Variants in PPARD observed in about 807,000 individuals in gnomAD.
The protein encoded by PPARD is peroxisome proliferator-activated receptor delta.
Under a neutral mutation model 39.5 loss-of-function variants are expected in PPARD, and 6 were observed. That is an observed-to-expected ratio of 0.15 (90% CI 0.08 to 0.30). The LOEUF (loss-of-function observed/expected upper bound fraction) is 0.30. PPARD is among the 10% of genes least tolerant of loss of function. The pLI, the probability that PPARD is intolerant of heterozygous loss-of-function variation, is 1.00. For missense variants in PPARD, 397 were observed against 596.8 expected (o/e 0.67, Z 3.49); for synonymous variants, 210 against 231.3 (o/e 0.91, Z 0.83).
chr6:35,390,447 A>C (rs1428427126), intron 2 of PPARD, among the ~76,000 whole-genome samples: 2 of 152,150 alleles, frequency 1.3e-5, no homozygotes, highest in African/African-American at 4.8e-5. Flanking sequence ...GCCATGTGGG[A>C]GCAGGGGTCA....
At chr6:35,346,604 G>C (rs1355201519) in intron 1 of PPARD, among the ~76,000 whole-genome samples, 2 of 152,178 alleles carry the variant, frequency 1.3e-5, no homozygotes, top group African/African-American at 4.8e-5. Context: ...GAGCCTGGCA[G>C]GGAGAACATG....
chr6:35,411,243 CG>C (rs760008203), intron 3 of PPARD, 26 bp downstream of exon 3: 2 of 1,478,580 alleles, frequency 1.4e-6, no homozygotes, highest in South Asian at 2.8e-5. Flanking sequence ...GCAGGGGACA[CG>C]GGGCAGAGGA....
At chr6:35,379,477 A>G in intron 2 of PPARD, among the ~76,000 whole-genome samples, 1 of 152,204 alleles carries the variant, frequency 6.6e-6, no homozygotes, top group Non-Finnish European at 1.5e-5. Context: ...GTGGTCATAT[A>G]TTAAGCAACT....
At chr6:35,365,505 T>A (rs1176665892) in intron 2 of PPARD, among the ~76,000 whole-genome samples, 1 of 149,176 alleles carries the variant, frequency 6.7e-6, no homozygotes, top group Non-Finnish European at 1.5e-5. Flanking sequence ...CTTCTTTTTT[T>A]TTTTTAGACA....
chr6:35,411,248 C>A, intron 3 of PPARD, 31 bp downstream of exon 3: 1 of 1,471,174 alleles, frequency 6.8e-7, no homozygotes, highest in South Asian at 1.4e-5. Context: ...GGACACGGGG[C>A]AGAGGAGGCA....
chr6:35,404,199 T>G (rs1448394650), intron 2 of PPARD, among the ~76,000 whole-genome samples: 1 of 152,184 alleles, frequency 6.6e-6, no homozygotes. Context: ...CCAACCTGCC[T>G]TGACTCAAAT....
intron 2 of PPARD, among the ~76,000 whole-genome samples, chr6:35,384,842 TCAGCCCCCCGCCTGGC>T (rs1763491778): frequency 1.7e-5 from 1 of 58,660 alleles, no homozygotes; most frequent in African/African-American, 9.3e-5. Context: ...GGTGGGGGGG[TCAGCCCCCCGCCTGGC>T]CAGCCGCCCC....
chr6:35,399,399 CAA>C (rs10539871), intron 2 of PPARD, among the ~76,000 whole-genome samples: 71,677 of 95,160 alleles, frequency 0.75, 25,066 homozygotes, highest in Middle Eastern at 0.82. Flanking sequence ...GACTCTGTCT[CAA>C]AAAAAAAAAA....
intron 2 of PPARD, among the ~76,000 whole-genome samples, chr6:35,376,008 G>A (rs531173382): frequency 6.6e-6 from 1 of 152,122 alleles, no homozygotes; most frequent in South Asian, 2.1e-4. Flanking sequence ...ATATGCTTTT[G>A]TTTGGAATCA....
chr6:35,362,116 T>C (rs1462098922), intron 2 of PPARD, among the ~76,000 whole-genome samples: 1 of 152,228 alleles, frequency 6.6e-6, no homozygotes, highest in Non-Finnish European at 1.5e-5. Context: ...TTTTCTTACC[T>C]AGGTTCTTTT....
chr6:35,423,023 G>A (rs530482866), intron 5 of PPARD, among the ~76,000 whole-genome samples: 2 of 117,934 alleles, frequency 1.7e-5, no homozygotes, highest in South Asian at 5.9e-4. Context: ...TTTAAGACCA[G>A]CCTGAGCAAC....
At chr6:35,347,269 C>A in intron 2 of PPARD, 119 bp downstream of exon 2, 1 of 1,233,104 alleles carries the variant, frequency 8.1e-7, no homozygotes, top group Non-Finnish European at 1.1e-6. Context: ...ATTCCAGGTT[C>A]CTGTCACAGC....
chr6:35,372,229 G>A (rs1458294801), intron 2 of PPARD, among the ~76,000 whole-genome samples: 2 of 152,230 alleles, frequency 1.3e-5, no homozygotes, highest in Admixed American at 1.3e-4. Flanking sequence ...CTAGGCTGGA[G>A]TGGAGTGGCA....
At chr6:35,413,035 C>T (rs537098334) in intron 3 of PPARD, among the ~76,000 whole-genome samples, 150 of 152,270 alleles carry the variant, frequency 9.9e-4, no homozygotes, top group Admixed American at 1.5e-3. Context: ...GTGGCTATGC[C>T]GCCTGCCGTG....
intron 2 of PPARD, among the ~76,000 whole-genome samples, chr6:35,405,446 G>A (rs552221360): frequency 1.3e-5 from 2 of 152,150 alleles, no homozygotes; most frequent in South Asian, 2.1e-4. Flanking sequence ...TGTGTTGTCT[G>A]GGGGTCTGAA....
chr6:35,372,471 G>A (rs1265846044), intron 2 of PPARD, among the ~76,000 whole-genome samples: 3 of 152,302 alleles, frequency 2.0e-5, no homozygotes, highest in East Asian at 1.9e-4. Context: ...GAGCCACCAC[G>A]TCCAGCCCAC....
intron 2 of PPARD, among the ~76,000 whole-genome samples, chr6:35,381,946 A>C (rs1322323796): frequency 6.6e-6 from 1 of 152,158 alleles, no homozygotes; most frequent in Non-Finnish European, 1.5e-5. Flanking sequence ...GAAGAGGGGG[A>C]GAGTGGAGAA....
intron 2 of PPARD, among the ~76,000 whole-genome samples, chr6:35,347,990 C>T (rs1401156598): frequency 6.6e-6 from 1 of 151,600 alleles, no homozygotes; most frequent in African/African-American, 2.4e-5. Context: ...TCACTGCAAC[C>T]TCCGCCTCTT....
chr6:35,346,987 TG>T, intron 1 of PPARD, 79 bp from the exon 2 acceptor site: 1 of 790,396 alleles, frequency 1.3e-6, no homozygotes, highest in South Asian at 1.8e-5. Flanking sequence ...TGAGTTACGG[TG>T]GGTATAACTT....
Sources: gnomAD v4.1 joint callset for allele counts (sites outside exome capture counted in the v4.1 genomes callset) on GRCh38, gnomAD v4.1.1 for gene constraint, MANE v1.5 for transcripts, NCBI Gene and HGNC (gene_info 2026-07-23, HGNC 2026-07-21) for gene names.